The following CNTNAP3B variants were observed in gnomAD, a reference collection of about 807,000 sequenced individuals.
CNTNAP3B encodes contactin-associated protein-like 3B.
In CNTNAP3B, 25 loss-of-function variants were observed where a neutral mutation model predicts 108.9. The ratio of observed to expected loss-of-function variants is 0.23; its 90% confidence interval spans 0.17 to 0.32. The LOEUF (loss-of-function observed/expected upper bound fraction) is 0.32, where lower values mean the gene tolerates loss of function less well. Among genes scored for constraint, CNTNAP3B ranks in the 10% least tolerant of loss-of-function variants. CNTNAP3B has a pLI of 1.00. For missense variants in CNTNAP3B, 252 were observed against 1,210.4 expected, an observed-to-expected ratio of 0.21 and a Z score of 11.75; for synonymous variants, 103 against 473.4, an observed-to-expected ratio of 0.22 and a Z score of 10.16.
At chr9:41,941,370 C>T (rs1314962214) in intron 13 of CNTNAP3B, among the ~76,000 whole-genome samples, 1 of 137,374 alleles carries the variant, frequency 7.3e-6, no homozygotes, top group Non-Finnish European at 1.6e-5. Context: ...ATACACTCTG[C>T]AAAACTTAAA....
chr9:41,926,764 C>G (rs1160087666), intron 15 of CNTNAP3B: 9 of 152,300 alleles, frequency 5.9e-5, no homozygotes, highest in Admixed American at 3.9e-4. Context: ...CTTCTCCATA[C>G]TTTCAGAAGT....
chr9:41,924,690 C>CACACACAG (rs1823764629), intron 15 of CNTNAP3B, among the ~76,000 whole-genome samples: 2 of 149,240 alleles, frequency 1.3e-5, no homozygotes. Flanking sequence ...CACACACACA[C>CACACACAG]AGTCTTAATT....
intron 13 of CNTNAP3B, among the ~76,000 whole-genome samples, chr9:41,952,861 C>A (rs1360868747): frequency 1.3e-5 from 2 of 150,298 alleles, no homozygotes; most frequent in East Asian, 2.0e-4. Context: ...AACTGTTAGA[C>A]CCAGCCTGCC....
intron 1 of CNTNAP3B, among the ~76,000 whole-genome samples, chr9:42,122,740 G>A (rs1295924211): frequency 7.3e-6 from 1 of 136,956 alleles, no homozygotes; most frequent in Non-Finnish European, 1.6e-5. Flanking sequence ...ACCCAACTGG[G>A]AGACACCTTA....
At chr9:41,942,337 G>T (rs1184415051) in intron 13 of CNTNAP3B, among the ~76,000 whole-genome samples, 7 of 152,284 alleles carry the variant, frequency 4.6e-5, no homozygotes, top group Admixed American at 3.3e-4. Context: ...TGGGTCGGGT[G>T]AGGTGGCTCA....
intron 13 of CNTNAP3B, among the ~76,000 whole-genome samples, chr9:41,951,406 A>T (rs1322546287): frequency 9.4e-6 from 1 of 106,414 alleles, no homozygotes; most frequent in Non-Finnish European, 2.0e-5. Context: ...GCTACACTTC[A>T]TTCAACAGCA....
At chr9:42,103,059 T>C (rs1037989264) in intron 2 of CNTNAP3B, among the ~76,000 whole-genome samples, 1 of 123,696 alleles carries the variant, frequency 8.1e-6, no homozygotes, top group African/African-American at 3.7e-5. Flanking sequence ...AGATAAAGAA[T>C]CCTCATAATC....
At chr9:41,952,218 T>C (rs879262864) in intron 13 of CNTNAP3B, among the ~76,000 whole-genome samples, 2,762 of 151,958 alleles carry the variant, frequency 0.018, 15 homozygotes, top group Non-Finnish European at 0.028. Context: ...AGATTTTGTA[T>C]TGAAAATTTA....
intron 15 of CNTNAP3B, among the ~76,000 whole-genome samples, chr9:41,928,727 C>T (rs1444032272): frequency 6.7e-6 from 1 of 149,562 alleles, no homozygotes; most frequent in Non-Finnish European, 1.5e-5. Flanking sequence ...TACAATTTTT[C>T]TCAGGGAAAG....
At chr9:41,969,528 C>A (rs1325105234) in intron 10 of CNTNAP3B, among the ~76,000 whole-genome samples, 2 of 148,014 alleles carry the variant, frequency 1.4e-5, no homozygotes, top group East Asian at 2.0e-4. Flanking sequence ...CTGAGCAACT[C>A]GGGATCATAT....
intron 3 of CNTNAP3B, among the ~76,000 whole-genome samples, chr9:42,036,105 C>T (rs1392466702): frequency 6.7e-6 from 1 of 149,870 alleles, no homozygotes; most frequent in African/African-American, 2.5e-5. Flanking sequence ...GAGACTCCGT[C>T]TCAAAAAACA....
At chr9:41,962,302 G>T (rs1255047566) in intron 11 of CNTNAP3B, among the ~76,000 whole-genome samples, 1 of 152,270 alleles carries the variant, frequency 6.6e-6, no homozygotes, top group East Asian at 1.9e-4. Flanking sequence ...TGTGGGCTTG[G>T]CAAATTTCTA....
Position 42,098,874 on chromosome 9 carries a change from G to T in CNTNAP3B, c.196+5755C>A, listed in dbSNP as rs1304381566. 3.1e-5 allele frequency among the ~76,000 whole-genome samples: 4 copies of T among 130,990 alleles called. 1 individual carries two copies. The highest frequency in any genetic ancestry group is 1.2e-4 in the African/African-American group (4 of 32,488). 85.9% of individuals were successfully genotyped at this position (130,990 alleles called of 152,430 possible). ...GGCTGTGTGCTGTGCTATAAGAGAAGCTGATGCCTCTGCTTCCCCATCTTT... is the reference window on the plus strand; with the variant it reads ...GGCTGTGTGCTGTGCTATAAGAGAATCTGATGCCTCTGCTTCCCCATCTTT... On this transcript the variant is annotated intron_variant, in intron 2 of 23. Transcript: ENST00000377561.
In CNTNAP3B at chr9:42,099,273, C is replaced by T. The variant is rs1435531584; in HGVS notation, c.196+5356G>A. Reference sequence around the variant, plus strand: ...AGGCAGCATAATGGCCTCATTAGGGCAGTTTCCACAGTGACCCACATCATC... The same window carrying T: ...AGGCAGCATAATGGCCTCATTAGGGTAGTTTCCACAGTGACCCACATCATC... On this transcript the variant is annotated intron_variant, in intron 2 of 23. Coordinates refer to ENST00000377561, the MANE Select transcript of CNTNAP3B (RefSeq NM_001201380.3). Among the ~76,000 whole-genome samples, 2 of 123,484 alleles carry T rather than the reference C, an allele frequency of 1.6e-5. 1 individual carries two copies. Among genetic ancestry groups the T allele is most frequent in the African/African-American group, 6.6e-5 (2 of 30,284 alleles). 81.0% of individuals were successfully genotyped at this position (123,484 alleles called of 152,430 possible).
At chr9:41,949,888 C>G (rs1318869960) in intron 13 of CNTNAP3B, among the ~76,000 whole-genome samples, 1 of 152,132 alleles carries the variant, frequency 6.6e-6, no homozygotes, top group Non-Finnish European at 1.5e-5. Flanking sequence ...TGAATCTCAT[C>G]AAAATTAAAA....
intron 3 of CNTNAP3B, among the ~76,000 whole-genome samples, chr9:42,075,835 A>ATTATTATT (rs1587251278): frequency 4.3e-5 from 2 of 46,716 alleles, no homozygotes; most frequent in Non-Finnish European, 1.0e-4. Flanking sequence ...TGTAATAAAT[A>ATTATTATT]CTTATTATTA....
intron 12 of CNTNAP3B, among the ~76,000 whole-genome samples, chr9:41,954,420 G>A (rs1376561047): frequency 5.3e-5 from 8 of 152,228 alleles, no homozygotes; most frequent in African/African-American, 1.9e-4. Flanking sequence ...AGAGATCAGA[G>A]GAAAGAAGGA....
chr9:42,076,769 T>A, intron 3 of CNTNAP3B, 100 bp downstream of exon 3: 1 of 735,798 alleles, frequency 1.4e-6, no homozygotes, highest in Non-Finnish European at 2.1e-6. Context: ...ATAGGTATCT[T>A]ACTTTCACTT....
intron 14 of CNTNAP3B, among the ~76,000 whole-genome samples, chr9:41,933,644 C>G (rs1048929062): frequency 1.3e-5 from 2 of 152,280 alleles, no homozygotes; most frequent in African/African-American, 4.8e-5. Flanking sequence ...TTACTGAACT[C>G]TCATTTTTCC....
Sources: gnomAD v4.1 joint callset for allele counts (sites outside exome capture counted in the v4.1 genomes callset) on GRCh38, gnomAD v4.1.1 for gene constraint, MANE v1.5 for transcripts, NCBI Gene and HGNC (gene_info 2026-07-23, HGNC 2026-07-21) for gene names.